ASIC2: variants seen among roughly 807,000 people sequenced by gnomAD.
ASIC2 encodes the protein acid-sensing ion channel 2.
In ASIC2, 25 loss-of-function variants were observed where a neutral mutation model predicts 57.3. That is an observed-to-expected ratio of 0.44 (90% CI 0.32 to 0.61). The LOEUF (loss-of-function observed/expected upper bound fraction) is 0.61, where lower values mean the gene tolerates loss of function less well. Among genes scored for constraint, ASIC2 ranks in the 20% least tolerant of loss-of-function variants. The probability of loss-of-function intolerance (pLI) is 0.06; values close to 1 mark genes in which losing one functional copy is unlikely to be tolerated. For synonymous variants in ASIC2, 319 were observed against 307.5 expected, an observed-to-expected ratio of 1.04 and a Z score of -0.39; for missense variants, 641 against 738.1, an observed-to-expected ratio of 0.87 and a Z score of 1.52.
chr17:33,560,847 A>G (rs1394020000), intron 1 of ASIC2, among the ~76,000 whole-genome samples: 1 of 152,214 alleles, frequency 6.6e-6, no homozygotes, highest in African/African-American at 2.4e-5. Context: ...TGAAGCTTAG[A>G]TAAGTTACAG....
intron 1 of ASIC2, among the ~76,000 whole-genome samples, chr17:33,739,906 A>T (rs1467274605): frequency 2.6e-5 from 4 of 151,196 alleles, no homozygotes; most frequent in Admixed American, 1.3e-4. Flanking sequence ...AAAAAAGAGA[A>T]AGAAAGAAAA....
chr17:33,173,229 T>G (rs551142033), intron 1 of ASIC2, among the ~76,000 whole-genome samples: 1 of 152,298 alleles, frequency 6.6e-6, no homozygotes, highest in African/African-American at 2.4e-5. Context: ...CACATCCATC[T>G]GACTCCTTAT....
chr17:34,034,313 C>T (rs553862207), intron 1 of ASIC2, among the ~76,000 whole-genome samples: 21 of 152,148 alleles, frequency 1.4e-4, no homozygotes, highest in Non-Finnish European at 2.4e-4. Context: ...ATTCAACAAC[C>T]CTTCATGCTA....
chr17:33,972,581 A>G (rs755889252), intron 1 of ASIC2, among the ~76,000 whole-genome samples: 6 of 152,140 alleles, frequency 3.9e-5, no homozygotes, highest in Non-Finnish European at 8.8e-5. Context: ...AAAACAAAAA[A>G]ATCCAAAAAT....
intron 1 of ASIC2, among the ~76,000 whole-genome samples, chr17:33,607,605 A>T (rs1211772440): frequency 6.6e-6 from 1 of 152,158 alleles, no homozygotes; most frequent in Non-Finnish European, 1.5e-5. Flanking sequence ...AGTAAGAATG[A>T]TGTCTACATC....
At chr17:33,519,143 A>T (rs990439893) in intron 1 of ASIC2, among the ~76,000 whole-genome samples, 1 of 152,148 alleles carries the variant, frequency 6.6e-6, no homozygotes, top group African/African-American at 2.4e-5. Context: ...TTTAATCATC[A>T]TCCCATTTTA....
chr17:33,263,216 C>A (rs75428628), intron 1 of ASIC2, among the ~76,000 whole-genome samples: 8,115 of 152,190 alleles, frequency 0.053, 226 homozygotes, highest in Non-Finnish European at 0.065. Context: ...GTGGCAGATG[C>A]TGGAGGAACT....
chr17:33,427,246 T>C lies in ASIC2; in HGVS notation c.556-315179A>G, dbSNP rs1379014361. Among the ~76,000 whole-genome samples, 4 of 152,152 alleles carry C rather than the reference T, an allele frequency of 2.6e-5. No homozygotes were observed. In the East Asian group the frequency reaches 5.8e-4, roughly 22 times the overall value. On this transcript the variant is annotated intron_variant, in intron 1 of 9. Transcript: ENST00000359872. ...TAAAAATAAAATAAACAATAAGAGA[T>C]GGAAAAACAACAACCAAGCTTCAAA... is the stretch of plus-strand genomic sequence containing the variant.
intron 1 of ASIC2, chr17:34,082,100 A>T (rs1334618044): frequency 6.6e-6 from 1 of 152,182 alleles, no homozygotes; most frequent in Non-Finnish European, 1.5e-5. Flanking sequence ...ATCCACGAAT[A>T]CAAATCCCAG....
chr17:33,482,183 G>A (rs931886110), intron 1 of ASIC2, among the ~76,000 whole-genome samples: 1 of 152,192 alleles, frequency 6.6e-6, no homozygotes, highest in Admixed American at 6.5e-5. Context: ...GTCCATGGAT[G>A]ATGTCCAGAT....
intron 1 of ASIC2, among the ~76,000 whole-genome samples, chr17:33,990,929 A>G (rs893727095): frequency 6.6e-6 from 1 of 152,244 alleles, no homozygotes; most frequent in Admixed American, 6.5e-5. Context: ...TTCAAAGACA[A>G]GAAACTCTAA....
chr17:33,771,840 TC>T (rs1309403377), intron 1 of ASIC2, among the ~76,000 whole-genome samples: 3 of 152,248 alleles, frequency 2.0e-5, no homozygotes, highest in Admixed American at 1.3e-4. Flanking sequence ...TTCCATCACT[TC>T]AAACAGTTAT....
intron 1 of ASIC2, among the ~76,000 whole-genome samples, chr17:33,705,833 A>G (rs1389856089): frequency 3.9e-5 from 6 of 152,210 alleles, no homozygotes; most frequent in Admixed American, 3.9e-4. Flanking sequence ...TAGCAGCCAC[A>G]GAAAACTGGT....
intron 1 of ASIC2, among the ~76,000 whole-genome samples, chr17:33,552,109 T>G (rs539125054): frequency 6.6e-6 from 1 of 152,322 alleles, no homozygotes; most frequent in Admixed American, 6.5e-5. Flanking sequence ...TCGCTTCAAG[T>G]GCTGTTTTAT....
chr17:33,456,513 G>A (rs1235164202), intron 1 of ASIC2, among the ~76,000 whole-genome samples: 3 of 152,206 alleles, frequency 2.0e-5, no homozygotes, highest in Non-Finnish European at 4.4e-5. Flanking sequence ...CTACTGGGTA[G>A]TGACTACTGA....
chr17:34,021,835 TTG>T (rs1234743820), intron 1 of ASIC2, among the ~76,000 whole-genome samples: 2 of 130,120 alleles, frequency 1.5e-5, no homozygotes, highest in Non-Finnish European at 1.5e-5. Context: ...GTGTTTTGTT[TTG>T]TTTTTTTTTT....
intron 3 of ASIC2, among the ~76,000 whole-genome samples, chr17:33,035,475 C>T (rs987813841): frequency 2.6e-5 from 4 of 152,078 alleles, no homozygotes; most frequent in Non-Finnish European, 5.9e-5. Context: ...GAGTTTTGTT[C>T]TAGTAGGTGG....
rs558432944 is a variant in ASIC2 at position 33,905,310 on chromosome 17, G to A, written c.555+250668C>T. The stretch of plus-strand genomic sequence containing the variant: ...GCTTTTCTGACTGCACTACTGACCA[G>A]AGCATTGAGACACACAGACCGGCTC... On this transcript the variant is annotated intron_variant, in intron 1 of 9. Transcript: ENST00000359872. Among the ~76,000 whole-genome samples, 5 of 152,244 alleles carry A rather than the reference G, an allele frequency of 3.3e-5. No homozygotes were observed. In the East Asian group the frequency reaches 5.8e-4, roughly 18 times the overall value.
At chr17:33,949,130 G>A (rs1904477722) in intron 1 of ASIC2, among the ~76,000 whole-genome samples, 1 of 151,882 alleles carries the variant, frequency 6.6e-6, no homozygotes, top group Non-Finnish European at 1.5e-5. Flanking sequence ...AAGACCAGTG[G>A]GCCATGCAAA....
Sources: gnomAD v4.1 joint callset for allele counts (sites outside exome capture counted in the v4.1 genomes callset) on GRCh38, gnomAD v4.1.1 for gene constraint, MANE v1.5 for transcripts, NCBI Gene and HGNC (gene_info 2026-07-23, HGNC 2026-07-21) for gene names.